Variants in GRM3 observed in about 807,000 individuals in gnomAD.
GRM3 encodes the protein glutamate metabotropic receptor 3.
Under a neutral mutation model 70.5 loss-of-function variants are expected in GRM3, and 26 were observed. That is an observed-to-expected ratio of 0.37 (90% CI 0.27 to 0.51). The LOEUF is 0.51. GRM3 is among the 20% of genes least tolerant of loss of function. GRM3 has a pLI of 0.93. For missense variants in GRM3, 859 were observed against 1,123.8 expected, an observed-to-expected ratio of 0.76 and a Z score of 3.37; for synonymous variants, 443 against 434.9, an observed-to-expected ratio of 1.02 and a Z score of -0.23.
chr7:86,715,815 A>G lies in GRM3; in HGVS notation c.-140-49191A>G, dbSNP rs1389424902. Among the ~76,000 whole-genome samples the G allele has an allele frequency of 1.3e-5, 2 of 152,032 alleles. 1 individual carries two copies. Among genetic ancestry groups the G allele is most frequent in the Non-Finnish European group, 2.9e-5 (2 of 67,948 alleles). ...ATATGCACAAGTTTAGAATACAAAG[A>G]GAAAATTTCTATCTGTCATCTTGCA... On this transcript the variant is annotated intron_variant, in intron 1 of 5. Coordinates refer to ENST00000361669, the MANE Select transcript of GRM3 (RefSeq NM_000840.3).
intron 3 of GRM3, among the ~76,000 whole-genome samples, chr7:86,801,926 T>C (rs1797691933): frequency 6.6e-6 from 1 of 152,202 alleles, no homozygotes; most frequent in Admixed American, 6.5e-5. Context: ...AGTCCCCTTG[T>C]ATAAAAAATA....
At chr7:86,810,710 C>T (rs1465614803) in intron 3 of GRM3, among the ~76,000 whole-genome samples, 1 of 151,834 alleles carries the variant, frequency 6.6e-6, no homozygotes, top group East Asian at 1.9e-4. Context: ...GAGGTCTGCC[C>T]CAAATGGTTG....
chr7:86,781,301 A>G (rs1797052950), intron 2 of GRM3, among the ~76,000 whole-genome samples: 2 of 152,178 alleles, frequency 1.3e-5, no homozygotes, highest in African/African-American at 4.8e-5. Context: ...AGGAAAACTG[A>G]AATAGCTCTT....
chr7:86,847,461 T>G (rs965249622), intron 4 of GRM3, among the ~76,000 whole-genome samples: 1 of 152,180 alleles, frequency 6.6e-6, no homozygotes, highest in African/African-American at 2.4e-5. Flanking sequence ...GAATATGTCA[T>G]GGTGGCAGTT....
intron 3 of GRM3, among the ~76,000 whole-genome samples, chr7:86,791,928 A>C (rs2116577591): frequency 6.6e-6 from 1 of 152,318 alleles, no homozygotes; most frequent in Non-Finnish European, 1.5e-5. Context: ...AATTATTTCC[A>C]TGTGCAAGAG....
At chr7:86,710,250 C>A (rs1431951290) in intron 1 of GRM3, 1 of 151,848 alleles carries the variant, frequency 6.6e-6, no homozygotes, top group Non-Finnish European at 1.5e-5. Flanking sequence ...AACTCCCTAA[C>A]TTTGAATTTA....
chr7:86,808,713 G>A (rs1797848466), intron 3 of GRM3, among the ~76,000 whole-genome samples: 1 of 151,996 alleles, frequency 6.6e-6, no homozygotes, highest in Admixed American at 6.6e-5. Context: ...TTGAGCCAGA[G>A]GTCAAATGAG....
intron 2 of GRM3, among the ~76,000 whole-genome samples, chr7:86,772,164 T>C (rs759510052): frequency 6.6e-5 from 10 of 152,118 alleles, no homozygotes; most frequent in Non-Finnish European, 1.5e-4. Flanking sequence ...CCTAGAATAG[T>C]GTCTCAACCA....
chr7:86,747,446 C>T (rs994107195), intron 1 of GRM3, among the ~76,000 whole-genome samples: 3 of 152,064 alleles, frequency 2.0e-5, no homozygotes, highest in Admixed American at 6.6e-5. Context: ...GTTACATGGG[C>T]AATGGTGATA....
chr7:86,843,756 A>G (rs1475964098), intron 4 of GRM3, among the ~76,000 whole-genome samples: 1 of 152,214 alleles, frequency 6.6e-6, no homozygotes, highest in Non-Finnish European at 1.5e-5. Context: ...TGTAACTTAC[A>G]GTCTAGTGGA....
rs116917277 is a variant in GRM3 at position 86,653,991 on chromosome 7, A to T, written c.-141+9119A>T. The stretch of plus-strand genomic sequence containing the variant: ...CACAACTCTCCCCACTGCCCTCTAG[A>T]TCTGCAGCGTGGGGGCAGGGGAAGG... On this transcript the variant is annotated intron_variant, in intron 1 of 5. Coordinates refer to ENST00000361669, the MANE Select transcript of GRM3 (RefSeq NM_000840.3). Among the ~76,000 whole-genome samples, 77 of 152,312 alleles carry T rather than the reference A, an allele frequency of 5.1e-4. 1 individual carries two copies. The East Asian group carries it at 0.014, about 29-fold the overall frequency.
intron 2 of GRM3, among the ~76,000 whole-genome samples, chr7:86,772,934 C>CT (rs1336812591): frequency 1.3e-5 from 2 of 152,020 alleles, no homozygotes. Context: ...TGCAGACTGA[C>CT]TAGGATTCAC....
Position 86,814,945 on chromosome 7 carries a change from G to A in GRM3, c.1325-23894G>A, listed in dbSNP as rs149584595. On this transcript the variant is annotated intron_variant, in intron 3 of 5. Coordinates refer to ENST00000361669, the MANE Select transcript of GRM3 (RefSeq NM_000840.3). ...GAATTCTTTAAAAAGAAGGCAAGAA[G>A]TTTCTTTGATGTCAGCTGGGTTTTT... Among the ~76,000 whole-genome samples the A allele has an allele frequency of 4.6e-5, 7 of 151,706 alleles. No individual in the cohort carries two copies. The East Asian group carries it at 1.4e-3, about 29-fold the overall frequency.
At chr7:86,858,299 G>A (rs1278963865) in intron 5 of GRM3, among the ~76,000 whole-genome samples, 2 of 152,070 alleles carry the variant, frequency 1.3e-5, no homozygotes, top group African/African-American at 4.8e-5. Context: ...CAACAATGGA[G>A]GGAAGTATTT....
At chr7:86,734,880 G>A (rs956087643) in intron 1 of GRM3, among the ~76,000 whole-genome samples, 34 of 151,582 alleles carry the variant, frequency 2.2e-4, no homozygotes, top group Admixed American at 2.6e-4. Flanking sequence ...TTTTATACAC[G>A]CACCCCAATT....
chr7:86,730,096 AAG>A (rs1254856971), intron 1 of GRM3, among the ~76,000 whole-genome samples: 3 of 151,100 alleles, frequency 2.0e-5, no homozygotes, highest in Admixed American at 6.6e-5. Context: ...CCTGGGCAAA[AAG>A]AGCAAAACTC....
intron 1 of GRM3, among the ~76,000 whole-genome samples, chr7:86,688,075 TC>T (rs1794607572): frequency 6.6e-6 from 1 of 151,604 alleles, no homozygotes; most frequent in Non-Finnish European, 1.5e-5. Flanking sequence ...ATAAAAAAAA[TC>T]TGCATTTCAC....
chr7:86,767,552 TATATATAA>T (rs1176128820), intron 2 of GRM3, among the ~76,000 whole-genome samples: 1 of 110,728 alleles, frequency 9.0e-6, no homozygotes, highest in Non-Finnish European at 1.8e-5. Flanking sequence ...TATATATATA[TATATATAA>T]ATGAAGTATG....
At chr7:86,763,017 G>A (rs576555652) in intron 1 of GRM3, among the ~76,000 whole-genome samples, 2 of 152,090 alleles carry the variant, frequency 1.3e-5, no homozygotes, top group Non-Finnish European at 2.9e-5. Flanking sequence ...AAATCTGTGG[G>A]CAAGGGAAAC....
Sources: allele counts gnomAD v4.1 joint callset (sites outside exome capture counted in the v4.1 genomes callset), GRCh38; gene constraint gnomAD v4.1.1; transcripts MANE v1.5; gene names NCBI Gene and HGNC (gene_info 2026-07-23, HGNC 2026-07-21).